SCAND3: variants seen among roughly 807,000 people sequenced by gnomAD.
SCAND3 encodes SCAN domain containing 3, also known as SCAN domain-containing protein 3.
chr6:28,586,713 T>A, the SCAND3 span: 1 of 1,612,638 alleles, frequency 6.2e-7, no homozygotes. This position sits in a 1 kb window ranked among gnomAD's most constrained non-coding sequence, Gnocchi z 4.4. Flanking sequence ...AGAGACTGCT[T>A]CCATCCCGAG....
the SCAND3 span, among the ~76,000 whole-genome samples, chr6:28,595,167 G>A: frequency 7.4e-6 from 1 of 134,768 alleles, no homozygotes; most frequent in Non-Finnish European, 1.5e-5. Context: ...AGACCAGATT[G>A]GGCAACATGG....
the SCAND3 span, chr6:28,573,473 G>T: frequency 6.2e-7 from 1 of 1,614,070 alleles, no homozygotes; most frequent in Non-Finnish European, 8.5e-7. Flanking sequence ...ACCTGCTTTG[G>T]TTGGCTTTTC....
At chr6:28,602,262 T>C in the SCAND3 span, among the ~76,000 whole-genome samples, 1 of 152,204 alleles carries the variant, frequency 6.6e-6, no homozygotes, top group Admixed American at 6.5e-5. Flanking sequence ...CAGGCTGGAG[T>C]GCAGTGGCAT....
the SCAND3 span, among the ~76,000 whole-genome samples, chr6:28,577,840 A>C: frequency 6.6e-6 from 1 of 152,132 alleles, no homozygotes; most frequent in East Asian, 1.9e-4. Context: ...CAAATCAAAA[A>C]ATCTTTGAAT....
chr6:28,610,647 G>A, the SCAND3 span, among the ~76,000 whole-genome samples: 2 of 152,104 alleles, frequency 1.3e-5, no homozygotes, highest in African/African-American at 2.4e-5. Context: ...GTCCTTCTAG[G>A]TCCTGTGTGT....
the SCAND3 span, among the ~76,000 whole-genome samples, chr6:28,580,140 C>T: frequency 6.6e-6 from 1 of 151,430 alleles, no homozygotes; most frequent in Non-Finnish European, 1.5e-5. Flanking sequence ...AACTTGGATA[C>T]CACATAATAA....
chr6:28,603,698 T>G, the SCAND3 span, among the ~76,000 whole-genome samples: 3 of 152,028 alleles, frequency 2.0e-5, no homozygotes, highest in African/African-American at 7.3e-5. Flanking sequence ...TTTCACATAA[T>G]CTTCCATTTC....
chr6:28,613,764 T>C, the SCAND3 span, among the ~76,000 whole-genome samples: 1 of 152,216 alleles, frequency 6.6e-6, no homozygotes, highest in Non-Finnish European at 1.5e-5. Context: ...ATGACTCATT[T>C]GTTTATTATA....
chr6:28,613,274 A>C, the SCAND3 span, among the ~76,000 whole-genome samples: 1 of 152,204 alleles, frequency 6.6e-6, no homozygotes, highest in Non-Finnish European at 1.5e-5. Flanking sequence ...AGTAGAGAGC[A>C]CACTGTTCAG....
chr6:28,606,497 T>C, the SCAND3 span, among the ~76,000 whole-genome samples: 2 of 152,106 alleles, frequency 1.3e-5, no homozygotes, highest in African/African-American at 4.8e-5. Context: ...CCTTACCTAA[T>C]TCATCTTTTT....
chr6:28,577,656 C>A, the SCAND3 span, among the ~76,000 whole-genome samples: 5 of 152,164 alleles, frequency 3.3e-5, no homozygotes, highest in African/African-American at 4.8e-5. Context: ...CCAAATGGAT[C>A]CACTGGTCTG....
the SCAND3 span, among the ~76,000 whole-genome samples, chr6:28,606,453 C>T: frequency 1.3e-5 from 2 of 152,108 alleles, no homozygotes; most frequent in Admixed American, 1.3e-4. Context: ...TGGTTTCCTA[C>T]AGATTGGTCG....
At chr6:28,584,240 T>C in the SCAND3 span, among the ~76,000 whole-genome samples, 1 of 152,142 alleles carries the variant, frequency 6.6e-6, no homozygotes, top group Non-Finnish European at 1.5e-5. Context: ...GTAAAGAAGT[T>C]GTATTGGGAG....
At chr6:28,597,820 G>A in the SCAND3 span, 1 of 152,188 alleles carries the variant, frequency 6.6e-6, no homozygotes, top group African/African-American at 2.4e-5. Context: ...TTTTCTGGGA[G>A]GTGCCAGAAA....
the SCAND3 span, among the ~76,000 whole-genome samples, chr6:28,580,379 A>C: frequency 3.4e-4 from 51 of 152,010 alleles, no homozygotes; most frequent in Admixed American, 8.5e-4. Flanking sequence ...ATTTGAACTC[A>C]GGAGGCAGAG....
At chr6:28,584,093 T>C in the SCAND3 span, among the ~76,000 whole-genome samples, 1 of 152,124 alleles carries the variant, frequency 6.6e-6, no homozygotes, top group Non-Finnish European at 1.5e-5. Context: ...CAATAATAAG[T>C]TTAATGTTGA....
chr6:28,608,347 G>T, the SCAND3 span, among the ~76,000 whole-genome samples: 1 of 152,080 alleles, frequency 6.6e-6, no homozygotes, highest in African/African-American at 2.4e-5. Flanking sequence ...TTTTGCAACT[G>T]ACCCCCTGGC....
the SCAND3 span, chr6:28,588,153 G>C: frequency 6.6e-6 from 1 of 152,204 alleles, no homozygotes; most frequent in East Asian, 1.9e-4. This position sits in a 1 kb window ranked among gnomAD's most constrained non-coding sequence, Gnocchi z 4.1. Flanking sequence ...CTTAGAGTCC[G>C]TGAATGGTCT....
chr6:28,597,867 T>C, the SCAND3 span: 7 of 152,200 alleles, frequency 4.6e-5, no homozygotes, highest in Non-Finnish European at 1.0e-4. Flanking sequence ...AAACCGGCTC[T>C]GTGATTCCTT....
Sources: gnomAD v4.1 joint callset for allele counts (sites outside exome capture counted in the v4.1 genomes callset) on GRCh38, gnomAD v4.1.1 for gene constraint, Gnocchi (gnomAD v3.1) non-coding constraint, MANE v1.5 for transcripts, NCBI Gene and HGNC (gene_info 2026-07-23, HGNC 2026-07-21) for gene names.